The following INPP4B variants were observed in gnomAD, a reference collection of about 807,000 sequenced individuals.
INPP4B encodes the protein inositol polyphosphate-4-phosphatase type II B.
Under a neutral mutation model 122.5 loss-of-function variants are expected in INPP4B, and 55 were observed. That is an observed-to-expected ratio of 0.45 (90% CI 0.36 to 0.56). INPP4B has a LOEUF of 0.56. INPP4B is among the 20% of genes least tolerant of loss of function. The pLI is 0.00. For missense variants in INPP4B, 1,000 were observed against 1,097.7 expected (o/e 0.91, Z 1.26); for synonymous variants, 403 against 388.7 (o/e 1.04, Z -0.43).
chr4:142,479,063 A>G (rs1182994374), intron 2 of INPP4B, among the ~76,000 whole-genome samples: 1 of 152,064 alleles, frequency 6.6e-6, no homozygotes, highest in Non-Finnish European at 1.5e-5. Context: ...TTTGGAAACT[A>G]TATATCTGAC....
At chr4:142,518,714 G>A (rs1209776344) in intron 2 of INPP4B, 1 of 152,118 alleles carries the variant, frequency 6.6e-6, no homozygotes, top group Non-Finnish European at 1.5e-5. Context: ...AGAGCCTGTT[G>A]CAATGTAAAA....
chr4:142,067,248 T>G (rs1053884566), intron 25 of INPP4B, among the ~76,000 whole-genome samples: 3 of 152,172 alleles, frequency 2.0e-5, no homozygotes, highest in African/African-American at 7.2e-5. Context: ...CCAACAGACC[T>G]GCAGCTGAGG....
At chr4:142,306,034 G>T in intron 8 of INPP4B, 1 of 572,264 alleles carries the variant, frequency 1.7e-6, no homozygotes, top group South Asian at 7.4e-5. Flanking sequence ...TCACAGCAAT[G>T]TTTAAAAGCA....
chr4:142,148,813 G>T (rs575806853), intron 17 of INPP4B, among the ~76,000 whole-genome samples: 110 of 152,212 alleles, frequency 7.2e-4, no homozygotes, highest in African/African-American at 2.5e-3. Flanking sequence ...GTCATAAAGG[G>T]TTACATATAT....
chr4:142,231,380 C>A (rs892542716), intron 12 of INPP4B, among the ~76,000 whole-genome samples: 2 of 152,156 alleles, frequency 1.3e-5, no homozygotes, highest in Non-Finnish European at 2.9e-5. Context: ...GTGATTTCTG[C>A]AAACAAGACT....
intron 18 of INPP4B, among the ~76,000 whole-genome samples, chr4:142,136,266 G>C (rs749955864): frequency 6.6e-6 from 1 of 152,208 alleles, no homozygotes; most frequent in South Asian, 2.1e-4. Flanking sequence ...ATGGAAGGTC[G>C]GGCAGGCACT....
At chr4:142,466,245 A>C (rs1425571945) in intron 2 of INPP4B, among the ~76,000 whole-genome samples, 1 of 152,186 alleles carries the variant, frequency 6.6e-6, no homozygotes, top group Non-Finnish European at 1.5e-5. Flanking sequence ...ACACAGATAC[A>C]GACAGTGATG....
intron 5 of INPP4B, among the ~76,000 whole-genome samples, chr4:142,413,175 TA>T (rs1486577680): frequency 6.6e-6 from 1 of 152,214 alleles, no homozygotes; most frequent in Non-Finnish European, 1.5e-5. Flanking sequence ...TGGGTTTTTT[TA>T]GTTTGTTTTC....
At chr4:142,710,733 T>G (rs1763019460) in intron 2 of INPP4B, among the ~76,000 whole-genome samples, 1 of 152,216 alleles carries the variant, frequency 6.6e-6, no homozygotes, top group East Asian at 1.9e-4. Flanking sequence ...ACTAAAACTA[T>G]TCTTGAAAAT....
At chr4:142,070,836 A>C (rs578253629) in intron 25 of INPP4B, among the ~76,000 whole-genome samples, 85 of 152,324 alleles carry the variant, frequency 5.6e-4, no homozygotes, top group Admixed American at 3.4e-3. Flanking sequence ...GAAATAAAAG[A>C]GGACACAAGC....
chr4:142,548,085 T>C (rs1487483508), intron 2 of INPP4B, among the ~76,000 whole-genome samples: 1 of 152,202 alleles, frequency 6.6e-6, no homozygotes, highest in Non-Finnish European at 1.5e-5. Context: ...TGGCCAACGT[T>C]AAGCTTGGAG....
intron 2 of INPP4B, among the ~76,000 whole-genome samples, chr4:142,591,267 A>C (rs1368394011): frequency 1.3e-5 from 2 of 152,074 alleles, no homozygotes; most frequent in Admixed American, 6.5e-5. Context: ...CCTGAGCAAC[A>C]GAGCAAGACC....
At chr4:142,713,765 G>A (rs543671433) in intron 2 of INPP4B, among the ~76,000 whole-genome samples, 6 of 152,268 alleles carry the variant, frequency 3.9e-5, no homozygotes, top group African/African-American at 1.2e-4. Flanking sequence ...TAGGAAATAT[G>A]TGCTGGCCTC....
chr4:142,505,384 C>T (rs1476976146), intron 2 of INPP4B, among the ~76,000 whole-genome samples: 1 of 151,984 alleles, frequency 6.6e-6, no homozygotes, highest in Non-Finnish European at 1.5e-5. Flanking sequence ...GAAAATTTCT[C>T]TGGCTATGTT....
intron 25 of INPP4B, among the ~76,000 whole-genome samples, chr4:142,068,474 T>A (rs569957542): frequency 8.5e-5 from 13 of 152,152 alleles, no homozygotes; most frequent in Middle Eastern, 3.4e-3. Context: ...CAAATTCACA[T>A]GTAACAATAT....
intron 2 of INPP4B, among the ~76,000 whole-genome samples, chr4:142,539,467 T>C (rs1828679802): frequency 6.6e-6 from 1 of 152,096 alleles, no homozygotes. Flanking sequence ...CATGGTTCAA[T>C]CTAAATATTT....
intron 1 of INPP4B, among the ~76,000 whole-genome samples, chr4:142,799,952 C>A (rs1465040255): frequency 6.6e-6 from 1 of 151,888 alleles, no homozygotes; most frequent in Non-Finnish European, 1.5e-5. Context: ...TACATAAAAT[C>A]TTTGCCTCTT....
chr4:142,236,986 C>A (rs1483976062), intron 12 of INPP4B, among the ~76,000 whole-genome samples: 1 of 152,128 alleles, frequency 6.6e-6, no homozygotes. Context: ...TAGCATTCAG[C>A]ATTTTTAATG....
chr4:142,400,843 A>G (rs1579959979), intron 7 of INPP4B, among the ~76,000 whole-genome samples: 1 of 152,224 alleles, frequency 6.6e-6, no homozygotes, highest in Non-Finnish European at 1.5e-5. Flanking sequence ...TAATGAGTAC[A>G]TTAGTTGTCT....
Sources: allele counts gnomAD v4.1 joint callset (sites outside exome capture counted in the v4.1 genomes callset), GRCh38; gene constraint gnomAD v4.1.1; transcripts MANE v1.5; gene names NCBI Gene and HGNC (gene_info 2026-07-23, HGNC 2026-07-21).